Variants in KATNAL2 observed in about 807,000 individuals in gnomAD.
KATNAL2 encodes katanin p60 ATPase-containing subunit A-like 2.
Under a neutral mutation model 76.3 loss-of-function variants are expected in KATNAL2, and 52 were observed. That is an observed-to-expected ratio of 0.68 (90% CI 0.55 to 0.86). The LOEUF (loss-of-function observed/expected upper bound fraction) is 0.86, where lower values mean the gene tolerates loss of function less well. Ranked by LOEUF, KATNAL2 falls within the 40% of genes least tolerant of loss-of-function variation. The pLI is 0.00. For missense variants in KATNAL2, 660 were observed against 668.9 expected (o/e 0.99, Z 0.15); for synonymous variants, 243 against 244.2 (o/e 1.00, Z 0.05).
intron 6 of KATNAL2, 52 bp downstream of exon 6, chr18:47,054,490 A>T (rs1398736488): frequency 1.3e-6 from 2 of 1,552,530 alleles, no homozygotes; most frequent in Non-Finnish European, 8.9e-7. Flanking sequence ...GAGCTTGTGG[A>T]ATCCCTTTCC....
intron 4 of KATNAL2, among the ~76,000 whole-genome samples, chr18:47,047,389 C>A (rs952816295): frequency 1.3e-5 from 2 of 152,106 alleles, no homozygotes; most frequent in African/African-American, 2.4e-5. Flanking sequence ...GCTATGTGCA[C>A]AAGATAACTT....
chr18:47,087,510 A>G (rs1357460980), intron 15 of KATNAL2, among the ~76,000 whole-genome samples: 1 of 152,116 alleles, frequency 6.6e-6, no homozygotes, highest in Non-Finnish European at 1.5e-5. Flanking sequence ...ACTCATGGAC[A>G]TAAGGAGGGG....
intron 3 of KATNAL2, among the ~76,000 whole-genome samples, chr18:46,953,156 A>G (rs539720784): frequency 6.6e-6 from 1 of 151,808 alleles, no homozygotes; most frequent in African/African-American, 2.4e-5. Flanking sequence ...AGCTTCCCAA[A>G]GTGCTGGGAT....
chr18:47,094,431 TTC>T (rs1282825082), intron 15 of KATNAL2, among the ~76,000 whole-genome samples: 2 of 152,242 alleles, frequency 1.3e-5, no homozygotes, highest in African/African-American at 2.4e-5. Flanking sequence ...CCCTGAAGAA[TTC>T]TGTTTTCTCC....
rs2061692243 is a variant in KATNAL2 at position 47,063,304 on chromosome 18, G to T, written c.669G>T (p.Leu223=). Residue 223 remains leucine, a synonymous_variant, in exon 10 of 18, where the codon CTG becomes CTT. Transcript: ENST00000683218. ...ATCAGGAACGACTGCTGAAACCTCT[G>T]AGTGCATTTATTGGCATGAACAGTG... ...PDPSERLLKP[L]SAFIGMNSEM... is the part of the protein sequence containing the mutation. 1.2e-6 allele frequency: 2 copies of T among 1,613,940 alleles called. No individual in the cohort carries two copies. The highest frequency in any genetic ancestry group is 2.2e-5 in the South Asian group (2 of 91,054).
intron 4 of KATNAL2, among the ~76,000 whole-genome samples, chr18:47,047,010 C>T (rs985595359): frequency 1.3e-5 from 2 of 152,044 alleles, no homozygotes; most frequent in African/African-American, 4.8e-5. Context: ...TGGCTCACTG[C>T]GACCTCTAAC....
intron 1 of KATNAL2, chr18:46,920,123 C>T (rs1256843300): frequency 2.3e-6 from 3 of 1,286,768 alleles, no homozygotes; most frequent in African/African-American, 1.5e-5. Flanking sequence ...TGTAGCAGCT[C>T]CTGGATGGGT....
chr18:47,086,576 A>G (rs2062783523), intron 15 of KATNAL2, among the ~76,000 whole-genome samples: 1 of 152,108 alleles, frequency 6.6e-6, no homozygotes, highest in African/African-American at 2.4e-5. Flanking sequence ...CGGCCTCCCA[A>G]ACTGTTGGGA....
chr18:46,952,933 T>C (rs1321795264), intron 3 of KATNAL2, among the ~76,000 whole-genome samples: 7 of 136,946 alleles, frequency 5.1e-5, no homozygotes, highest in Non-Finnish European at 7.7e-5. Context: ...CTCGCTCTGT[T>C]GCCGAGGCTG....
At chr18:46,940,876 T>G (rs1382398206) in intron 1 of KATNAL2, among the ~76,000 whole-genome samples, 1 of 151,982 alleles carries the variant, frequency 6.6e-6, no homozygotes, top group Non-Finnish European at 1.5e-5. Flanking sequence ...AATTTAAAAA[T>G]TACCTGTGTA....
intron 15 of KATNAL2, among the ~76,000 whole-genome samples, chr18:47,087,112 G>T (rs1039130595): frequency 6.6e-6 from 1 of 152,124 alleles, no homozygotes; most frequent in East Asian, 1.9e-4. Flanking sequence ...AAATGGTTTA[G>T]TTATTTATCA....
At chr18:47,066,719 A>G (rs1305032036) in intron 10 of KATNAL2, among the ~76,000 whole-genome samples, 1 of 151,322 alleles carries the variant, frequency 6.6e-6, no homozygotes, top group East Asian at 1.9e-4. Flanking sequence ...GTCTGTTGTT[A>G]GGAGATTTTT....
chr18:47,065,931 C>G (rs1229712851), intron 10 of KATNAL2, among the ~76,000 whole-genome samples: 1 of 151,436 alleles, frequency 6.6e-6, no homozygotes, highest in Non-Finnish European at 1.5e-5. Context: ...TGCCACTGCC[C>G]TCCAGCCTGG....
chr18:47,054,921 G>T (rs980471926), intron 6 of KATNAL2, among the ~76,000 whole-genome samples: 3 of 152,224 alleles, frequency 2.0e-5, no homozygotes. Flanking sequence ...CAGGCTTCTG[G>T]CTTCGCCAGT....
intron 3 of KATNAL2, chr18:47,033,228 C>T (rs2060570078): frequency 6.2e-7 from 1 of 1,613,880 alleles, no homozygotes; most frequent in Non-Finnish European, 8.5e-7. Flanking sequence ...GGCTGCTTCC[C>T]GCGGGCTTGG....
intron 8 of KATNAL2, among the ~76,000 whole-genome samples, chr18:47,061,218 A>G (rs1474274192): frequency 6.6e-6 from 1 of 152,228 alleles, no homozygotes; most frequent in Non-Finnish European, 1.5e-5. Context: ...CCTGAGGCTG[A>G]GTAGTTTATA....
At chr18:47,045,149 T>C (rs1473757584) in intron 3 of KATNAL2, among the ~76,000 whole-genome samples, 5 of 152,058 alleles carry the variant, frequency 3.3e-5, no homozygotes, top group East Asian at 1.9e-4. Flanking sequence ...AATTTTATAT[T>C]ACATATATTT....
intron 3 of KATNAL2, among the ~76,000 whole-genome samples, chr18:46,951,438 A>G (rs1189946476): frequency 1.4e-5 from 2 of 139,220 alleles, no homozygotes; most frequent in Non-Finnish European, 3.1e-5. Flanking sequence ...ACTGGGTGGT[A>G]TCTTTTCTGG....
chr18:47,065,600 C>T (rs1375340625), intron 10 of KATNAL2, among the ~76,000 whole-genome samples: 37 of 151,740 alleles, frequency 2.4e-4, no homozygotes, highest in Non-Finnish European at 4.4e-5. Context: ...ACCTGGGAGG[C>T]GGAGGTTGCT....
Sources: allele counts gnomAD v4.1 joint callset (sites outside exome capture counted in the v4.1 genomes callset), GRCh38; gene constraint gnomAD v4.1.1; transcripts MANE v1.5; gene names NCBI Gene and HGNC (gene_info 2026-07-23, HGNC 2026-07-21).